Variants in CPO observed in about 807,000 individuals in gnomAD.
CPO encodes metallocarboxypeptidase C.
CPO carries 43 observed loss-of-function variants against 41.2 expected under a neutral mutation model. The ratio of observed to expected loss-of-function variants is 1.04; its 90% CI spans 0.82 to 1.35. The LOEUF (loss-of-function observed/expected upper bound fraction) is 1.35, where lower values mean the gene tolerates loss of function less well. Ranked by LOEUF, CPO falls within the 40% of genes most tolerant of loss-of-function variation. The probability of loss-of-function intolerance (pLI) is 0.00; values close to 1 mark genes in which losing one functional copy is unlikely to be tolerated. For synonymous variants in CPO, 178 were observed against 162.7 expected, an observed-to-expected ratio of 1.09 and a Z score of -0.72; for missense variants, 408 against 451.7, an observed-to-expected ratio of 0.90 and a Z score of 0.88.
chr2:206,947,914 C>T (rs1693176384), intron 1 of CPO, among the ~76,000 whole-genome samples: 1 of 152,136 alleles, frequency 6.6e-6, no homozygotes, highest in Admixed American at 6.6e-5. Flanking sequence ...AAATCCAAAA[C>T]ACTGACAACA....
chr2:206,947,542 T>C (rs545661939), intron 1 of CPO, among the ~76,000 whole-genome samples: 2 of 152,266 alleles, frequency 1.3e-5, no homozygotes, highest in South Asian at 2.1e-4. Context: ...AAAGTAAGAA[T>C]TGATAAGCTA....
chr2:206,961,035 C>A, intron 6 of CPO, 93 bp downstream of exon 6: 1 of 899,066 alleles, frequency 1.1e-6, no homozygotes, highest in African/African-American at 1.6e-5. Context: ...TTGAAAATAA[C>A]ATCTAATATG....
At chr2:206,948,457 T>C (rs111272312) in intron 1 of CPO, among the ~76,000 whole-genome samples, 114 of 152,242 alleles carry the variant, frequency 7.5e-4, no homozygotes, top group African/African-American at 2.6e-3. Context: ...ATGCAGAGGA[T>C]TTCTAAGGCA....
chr2:206,955,796 C>T lies in CPO; in HGVS notation c.267+232C>T, dbSNP rs571201819. 5.8e-4 allele frequency among the ~76,000 whole-genome samples: 89 copies of T among 152,176 alleles called. 2 individuals are homozygous for T. The South Asian group carries it at 0.018, about 30-fold the overall frequency. On this transcript the variant is annotated intron_variant, in intron 3 of 8. Coordinates refer to ENST00000272852, the MANE Select transcript of CPO (RefSeq NM_173077.3). ...AGAATTTTGGAGAACTGAGTGGGAC[C>T]ATGGGGGTAGGGCTGAAAAACAGCA...
At chr2:206,957,332 T>C (rs150927329) in intron 3 of CPO, among the ~76,000 whole-genome samples, 1,709 of 149,492 alleles carry the variant, frequency 0.011, 16 homozygotes, top group South Asian at 0.019. Context: ...GCCGAGATCA[T>C]GCCACAGCAC....
intron 3 of CPO, among the ~76,000 whole-genome samples, chr2:206,957,686 C>T: frequency 6.6e-6 from 1 of 152,162 alleles, no homozygotes; most frequent in East Asian, 1.9e-4. Flanking sequence ...TTAATTCCCA[C>T]CCACCTACCG....
chr2:206,952,593 C>A (rs1901771), intron 2 of CPO, among the ~76,000 whole-genome samples: 32,736 of 152,094 alleles, frequency 0.22, 4,043 homozygotes, highest in Non-Finnish European at 0.29. Context: ...AGGTATAAGA[C>A]TCTTTGTAGC....
intron 2 of CPO, among the ~76,000 whole-genome samples, chr2:206,950,499 C>G (rs1007276207): frequency 6.6e-6 from 1 of 152,152 alleles, no homozygotes; most frequent in Admixed American, 6.5e-5. Flanking sequence ...ATTAGTTCAA[C>G]CATTGTGGAA....
chr2:206,959,796 G>T, intron 5 of CPO, 55 bp downstream of exon 5: 1 of 791,878 alleles, frequency 1.3e-6, no homozygotes, highest in South Asian at 1.6e-5. Flanking sequence ...GCTCAATTCA[G>T]GTTAATTTTT....
intron 3 of CPO, among the ~76,000 whole-genome samples, chr2:206,957,109 G>A (rs1559072351): frequency 6.6e-6 from 1 of 152,160 alleles, no homozygotes; most frequent in Non-Finnish European, 1.5e-5. Context: ...CGGGTGCGGT[G>A]GCTCATGCCT....
At chr2:206,943,462 A>G (rs911230587) in intron 1 of CPO, among the ~76,000 whole-genome samples, 1 of 152,038 alleles carries the variant, frequency 6.6e-6, no homozygotes, top group Non-Finnish European at 1.5e-5. Context: ...TATAATACTT[A>G]TTTTTATTCT....
rs1478930725 is a variant in CPO, at chr2:206,958,373, G to A, written c.340G>A (p.Ala114Thr). The A allele has an allele frequency of 6.2e-7, 1 of 1,601,192 alleles. No homozygotes were observed. ...DCGIHAREWI[A>T]PAFCQWFVKE... ...TGGAATTCACGCCAGAGAATGGATTGCTCCTGCTTTTTGCCAATGGTTCGT... is the reference window on the plus strand; with the variant it reads ...TGGAATTCACGCCAGAGAATGGATTACTCCTGCTTTTTGCCAATGGTTCGT... The change falls in exon 4 of 9, where the codon GCT becomes ACT. Residue 114 changes from alanine (A) to threonine (T), a missense_variant. Transcript: ENST00000272852.
At chr2:206,942,876 C>T (rs1693054942) in intron 1 of CPO, among the ~76,000 whole-genome samples, 2 of 152,130 alleles carry the variant, frequency 1.3e-5, no homozygotes, top group Non-Finnish European at 2.9e-5. Flanking sequence ...TATTGTGTTT[C>T]AGTTTCATAT....
intron 2 of CPO, among the ~76,000 whole-genome samples, chr2:206,950,725 C>T (rs918528591): frequency 6.6e-6 from 1 of 152,118 alleles, no homozygotes; most frequent in South Asian, 2.1e-4. Context: ...CACATATACA[C>T]CATGGAATAC....
chr2:206,940,909 T>C (rs1693017367), intron 1 of CPO, among the ~76,000 whole-genome samples: 1 of 152,102 alleles, frequency 6.6e-6, no homozygotes, highest in African/African-American at 2.4e-5. Flanking sequence ...CTCTGTGATA[T>C]CAAAAACCTG....
chr2:206,968,046 G>A (rs1693618301), intron 7 of CPO, among the ~76,000 whole-genome samples: 1 of 152,202 alleles, frequency 6.6e-6, no homozygotes, highest in Admixed American at 6.5e-5. Context: ...CCAGAAATAT[G>A]AAAGTCAGAG....
At chr2:206,967,164 G>A (rs1332780015) in intron 7 of CPO, among the ~76,000 whole-genome samples, 1 of 151,952 alleles carries the variant, frequency 6.6e-6, no homozygotes, top group African/African-American at 2.4e-5. Flanking sequence ...TTAGGCTGGG[G>A]AATACCTAGA....
At chr2:206,961,583 A>C (rs1473277148) in intron 6 of CPO, among the ~76,000 whole-genome samples, 1 of 152,200 alleles carries the variant, frequency 6.6e-6, no homozygotes, top group Non-Finnish European at 1.5e-5. Flanking sequence ...TGTTGGGCAC[A>C]GTACCTAGCA....
At chr2:206,960,165 G>A (rs1015034864) in intron 5 of CPO, among the ~76,000 whole-genome samples, 1 of 152,084 alleles carries the variant, frequency 6.6e-6, no homozygotes, top group Admixed American at 6.5e-5. Flanking sequence ...TTCACACAGG[G>A]GGCAAACATC....
Sources: allele counts gnomAD v4.1 joint callset (sites outside exome capture counted in the v4.1 genomes callset), GRCh38; gene constraint gnomAD v4.1.1; transcripts MANE v1.5; gene names NCBI Gene and HGNC (gene_info 2026-07-23, HGNC 2026-07-21).